ABI3BP: variants seen among roughly 807,000 people sequenced by gnomAD.
ABI3BP encodes the protein target of Nesh-SH3.
Under a neutral mutation model 268.6 loss-of-function variants are expected in ABI3BP, and 216 were observed. The observed-to-expected ratio is 0.80, with a 90% CI of 0.72 to 0.90. The LOEUF (loss-of-function observed/expected upper bound fraction) is 0.90, where lower values mean the gene tolerates loss of function less well. ABI3BP is among the 40% of genes least tolerant of loss of function. The pLI, the probability that ABI3BP is intolerant of heterozygous loss-of-function variation, is 0.00. For synonymous variants in ABI3BP, 730 were observed against 730.0 expected, an observed-to-expected ratio of 1.00 and a Z score of 0.00; for missense variants, 2,090 against 2,182.4, an observed-to-expected ratio of 0.96 and a Z score of 0.84.
At position 100,789,472 on chromosome 3, in the gene ABI3BP, T is replaced by C. The variant is rs1470163609; in HGVS notation, c.4069A>G (p.Lys1357Glu). ...YTTVRPRTSD[K>E]PHIRPVLNRT... ...AACTTACCAGGTCTGATGTGTGGCT[T>C]GTCAGATGTTCTGGGCCTCACAGTA... The change falls in exon 56 of 68, where the codon AAG becomes GAG. Residue 1357 changes from lysine to glutamate, a missense_variant. Transcript: ENST00000471714. The C allele has an allele frequency of 6.2e-7, 1 of 1,601,660 alleles. No homozygotes were observed. Among genetic ancestry groups the C allele is most frequent in the Admixed American group, 1.7e-5 (1 of 58,630 alleles).
rs756378416 is a variant in ABI3BP, at chr3:100,750,547, A to G, written c.5309T>C (p.Ile1770Thr). 6.2e-7 allele frequency: 1 copy of G among 1,613,316 alleles called. No individual in the cohort carries two copies. Among genetic ancestry groups the G allele is most frequent in the Non-Finnish European group, 8.5e-7 (1 of 1,179,482 alleles). ...QFGEIGGHTQ[I>T]NYVQWYECGT... ...ACATTCATACCACTGAACATAATTG[A>G]TTTGGGTGTGACCACCTATTTCTCC... Residue 1770 changes from isoleucine (I) to threonine (T), a missense_variant, in exon 68 of 68, where the codon ATC (isoleucine) becomes ACC (threonine). Physicochemically the swap from Ile to Thr is moderately conservative, Grantham distance 89 (BLOSUM62 -1). Transcript: ENST00000471714.
intron 6 of ABI3BP, among the ~76,000 whole-genome samples, chr3:100,877,287 T>C (rs966439829): frequency 6.6e-6 from 1 of 152,212 alleles, no homozygotes; most frequent in Non-Finnish European, 1.5e-5. Flanking sequence ...TTTGAGTGTA[T>C]CCAATTGCTG....
At chr3:100,780,467 T>TC (rs1359221126) in intron 57 of ABI3BP, among the ~76,000 whole-genome samples, 1 of 152,202 alleles carries the variant, frequency 6.6e-6, no homozygotes, top group Non-Finnish European at 1.5e-5. Flanking sequence ...ATGAAACTCA[T>TC]CCTGCACTGC....
intron 1 of ABI3BP, among the ~76,000 whole-genome samples, chr3:100,979,943 AC>A (rs1318020838): frequency 6.6e-6 from 1 of 152,204 alleles, no homozygotes; most frequent in Non-Finnish European, 1.5e-5. Flanking sequence ...ATTTTGACTA[AC>A]CTGTACTATG....
intron 4 of ABI3BP, 123 bp downstream of exon 4, chr3:100,898,639 T>C (rs2048774459): frequency 8.9e-7 from 1 of 1,123,038 alleles, no homozygotes; most frequent in African/African-American, 1.6e-5. Flanking sequence ...CCTGACTTTG[T>C]TCCCCTCACA....
At position 100,961,429 on chromosome 3, in the gene ABI3BP, A is replaced by T. The variant is rs148605704; in HGVS notation, c.79+31877T>A. On this transcript the variant is annotated intron_variant, in intron 1 of 67. Coordinates refer to ENST00000471714, the MANE Select transcript of ABI3BP (RefSeq NM_001375547.2). Reference sequence around the variant, plus strand: ...TAAACCCTATTCAAAAGATTGAGAAATGAAATGATCCCCCATTTAGAAAGA... The same window carrying T: ...TAAACCCTATTCAAAAGATTGAGAATTGAAATGATCCCCCATTTAGAAAGA... Among the ~76,000 whole-genome samples the T allele has an allele frequency of 2.3e-3, 343 of 152,322 alleles. 1 individual carries two copies. The highest frequency in any genetic ancestry group is 7.9e-3 in the African/African-American group (330 of 41,572).
intron 1 of ABI3BP, among the ~76,000 whole-genome samples, chr3:100,934,869 G>T (rs1040024125): frequency 2.6e-5 from 4 of 152,134 alleles, no homozygotes; most frequent in African/African-American, 9.7e-5. Flanking sequence ...TGTAGATTCT[G>T]GATATTAACC....
At chr3:100,853,714 C>T (rs1331473992) in intron 14 of ABI3BP, among the ~76,000 whole-genome samples, 1 of 152,118 alleles carries the variant, frequency 6.6e-6, no homozygotes, top group East Asian at 1.9e-4. Context: ...GGCTCCAAGC[C>T]AGGCATCCAT....
intron 22 of ABI3BP, 66 bp from the exon 23 acceptor site, chr3:100,840,230 C>T: frequency 4.1e-6 from 5 of 1,230,880 alleles, no homozygotes; most frequent in South Asian, 2.9e-5. Context: ...ATAAATATTA[C>T]ATCCATCTTA....
chr3:100,790,412 A>G (rs1422541763), intron 55 of ABI3BP, among the ~76,000 whole-genome samples: 1 of 151,998 alleles, frequency 6.6e-6, no homozygotes, highest in Non-Finnish European at 1.5e-5. Context: ...AAACTTTGTA[A>G]GTAGATTACA....
At chr3:100,780,623 A>G (rs1051326405) in intron 57 of ABI3BP, among the ~76,000 whole-genome samples, 3 of 152,120 alleles carry the variant, frequency 2.0e-5, no homozygotes, top group African/African-American at 7.2e-5. Context: ...ACCCACACAC[A>G]TACACCTTAG....
chr3:100,879,923 A>G (rs982054568), intron 6 of ABI3BP, among the ~76,000 whole-genome samples: 61 of 152,218 alleles, frequency 4.0e-4, no homozygotes, highest in African/African-American at 1.4e-3. Context: ...TCAGAAATTC[A>G]CAATGTGAAT....
At chr3:100,837,350 T>A (rs1413565638) in intron 26 of ABI3BP, 179 bp from the exon 27 acceptor site, 3 of 460,534 alleles carry the variant, frequency 6.5e-6, no homozygotes, top group Non-Finnish European at 1.1e-5. Flanking sequence ...TAAAATTTTA[T>A]ACTAATTGGA....
chr3:100,919,563 C>T (rs1353710194), intron 2 of ABI3BP, among the ~76,000 whole-genome samples: 3 of 152,140 alleles, frequency 2.0e-5, no homozygotes, highest in African/African-American at 4.8e-5. Flanking sequence ...TCTGATCAAT[C>T]GTAAATCAAC....
In ABI3BP at chr3:100,993,201, A is replaced by T. The variant is rs1285404733; in HGVS notation, c.79+105T>A. 5 of 799,848 alleles carry T rather than the reference A, an allele frequency of 6.3e-6. No individual in the cohort carries two copies. The South Asian group carries it at 1.0e-4, about 16-fold the overall frequency. 49.5% of individuals were successfully genotyped at this position (799,848 alleles called of 1,614,324 possible). On this transcript the variant is annotated intron_variant, in intron 1 of 67. Transcript: ENST00000471714. Reference sequence around the variant, plus strand: ...TTGAACTTTGAATCTCTGCAGAATAACTCTATTCCCCCCGTATGGTAAAGC... The same window carrying T: ...TTGAACTTTGAATCTCTGCAGAATATCTCTATTCCCCCCGTATGGTAAAGC...
chr3:100,946,765 G>A (rs2072577761), intron 1 of ABI3BP, among the ~76,000 whole-genome samples: 1 of 149,844 alleles, frequency 6.7e-6, no homozygotes, highest in South Asian at 2.1e-4. Context: ...TCCAGCCTGG[G>A]CAACAAGAGT....
chr3:100,809,293 C>T (rs1159171767), intron 49 of ABI3BP, among the ~76,000 whole-genome samples: 4 of 151,974 alleles, frequency 2.6e-5, no homozygotes, highest in Non-Finnish European at 4.4e-5. Flanking sequence ...AAAATTCTGT[C>T]ATTCCAGCAT....
At chr3:100,787,607 T>C in intron 57 of ABI3BP, 121 bp downstream of exon 57, 1 of 775,298 alleles carries the variant, frequency 1.3e-6, no homozygotes, top group East Asian at 2.9e-5. Flanking sequence ...GTTACAGAGT[T>C]ACTAAGAACT....
intron 1 of ABI3BP, among the ~76,000 whole-genome samples, chr3:100,952,945 G>A (rs1584731855): frequency 6.6e-6 from 1 of 152,038 alleles, no homozygotes; most frequent in East Asian, 1.9e-4. Context: ...GCTCCCCTGA[G>A]CTGTTTACTT....
Sources: gnomAD v4.1 joint callset for allele counts (sites outside exome capture counted in the v4.1 genomes callset) on GRCh38, gnomAD v4.1.1 for gene constraint, MANE v1.5 for transcripts, NCBI Gene and HGNC (gene_info 2026-07-23, HGNC 2026-07-21) for gene names.